The following ITGA4 variants were observed in gnomAD, a reference collection of about 807,000 sequenced individuals.
ITGA4 encodes the protein integrin subunit alpha 4.
Under a neutral mutation model 133.6 loss-of-function variants are expected in ITGA4, and 63 were observed. The observed-to-expected ratio is 0.47, with a 90% confidence interval of 0.38 to 0.58. ITGA4 has a LOEUF of 0.58. Ranked by LOEUF, ITGA4 falls within the 20% of genes least tolerant of loss-of-function variation. The probability of loss-of-function intolerance (pLI) is 0.00; values close to 1 mark genes in which losing one functional copy is unlikely to be tolerated. For synonymous variants in ITGA4, 483 were observed against 438.0 expected (o/e 1.10, Z -1.28); for missense variants, 1,076 against 1,252.7 (o/e 0.86, Z 2.13).
At position 181,520,403 on chromosome 2, in the gene ITGA4, G is replaced by A. The variant is rs138378199; in HGVS notation, c.1923-1788G>A. 2.6e-3 allele frequency among the ~76,000 whole-genome samples: 397 copies of A among 152,080 alleles called. 3 individuals are homozygous for A. The highest frequency in any genetic ancestry group is 9.0e-3 in the African/African-American group (374 of 41,502). On this transcript the variant is annotated intron_variant, in intron 17 of 27. Transcript: ENST00000397033. ...GTGAAGCAGGGGCCAACTCTGGAGG[G>A]CCTCTGTGTCATGCTAAGGAGTTGG...
chr2:181,534,614 T>C (rs987684626), intron 26 of ITGA4, among the ~76,000 whole-genome samples: 1 of 151,976 alleles, frequency 6.6e-6, no homozygotes, highest in African/African-American at 2.4e-5. Flanking sequence ...GGAAAAGTCA[T>C]GGATACAGCC....
At position 181,470,454 on chromosome 2, in the gene ITGA4, G is replaced by C. The variant is rs191476553; in HGVS notation, c.320-4506G>C. Among the ~76,000 whole-genome samples the C allele has an allele frequency of 3.9e-5, 6 of 152,084 alleles. No individual in the cohort carries two copies. In the East Asian group the frequency reaches 1.2e-3, roughly 29 times the overall value. On this transcript the variant is annotated intron_variant, in intron 2 of 27. Transcript: ENST00000397033. ...CCAACCATATGCTACAACTACCTGG[G>C]GGGCTTCAAAAAAATTCTTATGTCT...
At chr2:181,535,171 C>A (rs1479906823) in intron 27 of ITGA4, among the ~76,000 whole-genome samples, 2 of 152,066 alleles carry the variant, frequency 1.3e-5, no homozygotes, top group Non-Finnish European at 2.9e-5. Flanking sequence ...GAAAAGATTG[C>A]AAATTACACG....
intron 2 of ITGA4, among the ~76,000 whole-genome samples, chr2:181,470,968 C>G (rs1259765171): frequency 6.6e-6 from 1 of 151,190 alleles, no homozygotes; most frequent in African/African-American, 2.5e-5. Context: ...AGATTCTAAC[C>G]TGTAACCAGT....
intron 9 of ITGA4, among the ~76,000 whole-genome samples, chr2:181,484,658 C>G (rs1685875741): frequency 6.6e-6 from 1 of 152,122 alleles, no homozygotes; most frequent in Non-Finnish European, 1.5e-5. Flanking sequence ...GTAACCAGGA[C>G]TATAAAAAGA....
At chr2:181,496,197 T>G (rs542080396) in intron 14 of ITGA4, among the ~76,000 whole-genome samples, 1 of 152,314 alleles carries the variant, frequency 6.6e-6, no homozygotes, top group East Asian at 1.9e-4. Context: ...TATATTAGTT[T>G]AAGGTAAACC....
intron 21 of ITGA4, 61 bp downstream of exon 21, chr2:181,525,352 T>C (rs1686811474): frequency 2.3e-6 from 2 of 864,676 alleles, no homozygotes; most frequent in Admixed American, 4.6e-5. Context: ...CCTTGCTTCT[T>C]ACATTAATGA....
chr2:181,478,730 C>T (rs1417591358), intron 4 of ITGA4, 27 bp from the exon 5 acceptor site: 1 of 1,021,180 alleles, frequency 9.8e-7, no homozygotes, highest in Non-Finnish European at 1.4e-6. Context: ...AGATAAAATT[C>T]TGAGTTGTTT....
At chr2:181,463,579 C>G (rs773374666) in intron 2 of ITGA4, among the ~76,000 whole-genome samples, 1 of 152,088 alleles carries the variant, frequency 6.6e-6, no homozygotes, top group Non-Finnish European at 1.5e-5. Context: ...AAAGATGTTA[C>G]TGAAGTTTCT....
intron 2 of ITGA4, among the ~76,000 whole-genome samples, chr2:181,465,786 T>G (rs1188787281): frequency 6.6e-6 from 1 of 152,102 alleles, no homozygotes; most frequent in Non-Finnish European, 1.5e-5. Context: ...AGATGGTGGT[T>G]GATAGTGTGA....
intron 15 of ITGA4, among the ~76,000 whole-genome samples, chr2:181,506,903 G>A (rs1252208785): frequency 6.6e-6 from 1 of 152,104 alleles, no homozygotes; most frequent in Non-Finnish European, 1.5e-5. Flanking sequence ...CAATTGCAGT[G>A]TCATGGGTCT....
intron 11 of ITGA4, 76 bp from the exon 12 acceptor site, chr2:181,494,643 CATT>C: frequency 1.3e-6 from 1 of 799,842 alleles, no homozygotes; most frequent in Non-Finnish European, 2.2e-6. Flanking sequence ...TGGGAAAGCT[CATT>C]ATTTAGCTAA....
intron 10 of ITGA4, among the ~76,000 whole-genome samples, chr2:181,490,296 C>T (rs1172833325): frequency 6.6e-6 from 1 of 152,010 alleles, no homozygotes; most frequent in East Asian, 1.9e-4. Context: ...TGGTCTCCTC[C>T]TTTAATTCTA....
intron 2 of ITGA4, among the ~76,000 whole-genome samples, chr2:181,472,850 C>G (rs541223759): frequency 2.0e-5 from 3 of 152,242 alleles, no homozygotes; most frequent in African/African-American, 7.2e-5. Context: ...TTCATCCCTT[C>G]CTTTCTCAAG....
intron 15 of ITGA4, among the ~76,000 whole-genome samples, chr2:181,503,937 C>T (rs1686337978): frequency 6.6e-6 from 1 of 152,022 alleles, no homozygotes; most frequent in Non-Finnish European, 1.5e-5. Flanking sequence ...CAAACTGTAA[C>T]TTGAAGCAGT....
chr2:181,509,173 A>C (rs1322802817), intron 15 of ITGA4, among the ~76,000 whole-genome samples: 2 of 91,332 alleles, frequency 2.2e-5, no homozygotes, highest in Non-Finnish European at 4.6e-5. Flanking sequence ...AAAAAAAAAA[A>C]AAAAAAAAAC....
chr2:181,504,997 G>C (rs771003365), intron 15 of ITGA4, among the ~76,000 whole-genome samples: 1 of 151,566 alleles, frequency 6.6e-6, no homozygotes, highest in Non-Finnish European at 1.5e-5. Context: ...TTTCCTTCCC[G>C]AGCCCTGCAT....
chr2:181,457,666 A>C lies in ITGA4; in HGVS notation c.12A>C (p.Glu4Asp). 1 of 1,609,562 alleles carries C rather than the reference A, an allele frequency of 6.2e-7. No homozygotes were observed. The highest frequency in any genetic ancestry group is 1.3e-5 in the African/African-American group (1 of 74,620). MAW[E>D]ARREPGPRRA... Reference sequence around the variant, plus strand: ...CCCACCGAGAGCGCATGGCTTGGGAAGCGAGGCGCGAACCCGGCCCCCGAA... The same window carrying C: ...CCCACCGAGAGCGCATGGCTTGGGACGCGAGGCGCGAACCCGGCCCCCGAA... Residue 4 changes from glutamate to aspartate, a missense_variant, in exon 1 of 28, where the codon GAA becomes GAC. Glu to Asp is a conservative substitution (Grantham distance 45, BLOSUM62 2). Transcript: ENST00000397033.
At position 181,527,286 on chromosome 2, in the gene ITGA4, G is replaced by T. The variant is rs749584303; in HGVS notation, c.2340-11G>T. On this transcript the variant is annotated splice_polypyrimidine_tract_variant and intron_variant, in intron 21 of 27. Coordinates refer to ENST00000397033, the MANE Select transcript of ITGA4 (RefSeq NM_000885.6). The stretch of plus-strand genomic sequence containing the variant: ...AAGACAGTTAATTAAATTTGAATTT[G>T]TTTTTACCAGGTTTGTAAACCCAAC... 6.5e-7 allele frequency: 1 copy of T among 1,540,358 alleles called. No individual in the cohort carries two copies. Among genetic ancestry groups the T allele is most frequent in the Middle Eastern group, 1.7e-4 (1 of 5,822 alleles).
Sources: allele counts gnomAD v4.1 joint callset (sites outside exome capture counted in the v4.1 genomes callset), GRCh38; gene constraint gnomAD v4.1.1; transcripts MANE v1.5; gene names NCBI Gene and HGNC (gene_info 2026-07-23, HGNC 2026-07-21).